The following ZFYVE26 variants were observed in gnomAD, a reference collection of about 807,000 sequenced individuals.
ZFYVE26 encodes zinc finger FYVE-type containing 26.
A neutral mutation model predicts 276.5 loss-of-function variants in ZFYVE26; 181 were observed. That is an observed-to-expected ratio of 0.65 (90% CI 0.58 to 0.74). ZFYVE26 has a LOEUF of 0.74. ZFYVE26 is among the 30% of genes least tolerant of loss of function. ZFYVE26 has a pLI of 0.00. For missense variants in ZFYVE26, 2,821 were observed against 3,097.9 expected (o/e 0.91, Z 2.12); for synonymous variants, 1,129 against 1,203.1 (o/e 0.94, Z 1.27).
At chr14:67,811,319 A>G (rs777715946) in intron 3 of ZFYVE26, among the ~76,000 whole-genome samples, 7 of 152,222 alleles carry the variant, frequency 4.6e-5, no homozygotes, top group African/African-American at 1.2e-4. Context: ...TAAAATAGGC[A>G]AGAATTTGCT....
chr14:67,749,569 A>G (rs985973215), intron 41 of ZFYVE26, among the ~76,000 whole-genome samples: 13 of 152,170 alleles, frequency 8.5e-5, no homozygotes, highest in African/African-American at 3.1e-4. Context: ...TTCTGCTGCA[A>G]TAATCCCTGT....
At chr14:67,775,756 C>T in intron 26 of ZFYVE26, 104 bp downstream of exon 26, 2 of 1,560,060 alleles carry the variant, frequency 1.3e-6, no homozygotes, top group Non-Finnish European at 1.8e-6. Flanking sequence ...TTCATTCACT[C>T]TAGATCAACC....
In ZFYVE26 at chr14:67,762,278, C is replaced by T; in HGVS notation, c.6294G>A (p.Gln2098=). ...GCACCAGCCTTGAGCCATGATTCAG[C>T]TGATTGAGGTCAAATGGGGGCTTCA... ...RCLKPPFDLN[Q]LNHGSRLVQD... Residue 2098 remains glutamine (Q), a synonymous_variant, in exon 34 of 42, where the codon CAG becomes CAA. Transcript: ENST00000347230. 6.2e-7 allele frequency: 1 copy of T among 1,614,156 alleles called. No homozygotes were observed. Among genetic ancestry groups the T allele is most frequent in the Non-Finnish European group, 8.5e-7 (1 of 1,180,030 alleles).
Position 67,786,159 on chromosome 14 carries a change from T to C in ZFYVE26, c.3094A>G (p.Lys1032Glu), listed in dbSNP as rs1312309878. ...GFPVVLQQIS[K>E]SLNYLLMSAS... ...GACATAAGCAGATAATTGAGACTCT[T>C]ACTGATTTGCTGAAGAACAACTGGA... Residue 1032 changes from lysine to glutamate, a missense_variant, in exon 17 of 42, where the codon AAG (lysine) becomes GAG (glutamate). By Grantham distance (56) the Lys-to-Glu change is moderately conservative. Coordinates refer to ENST00000347230, the MANE Select transcript of ZFYVE26 (RefSeq NM_015346.4). 1 of 1,613,550 alleles carries C rather than the reference T, an allele frequency of 6.2e-7. No individual in the cohort carries two copies. The highest frequency in any genetic ancestry group is 8.5e-7 in the Non-Finnish European group (1 of 1,179,996).
Position 67,806,651 on chromosome 14 carries a change from T to C in ZFYVE26, c.911A>G (p.Glu304Gly). 6.2e-7 allele frequency: 1 copy of C among 1,614,174 alleles called. No individual in the cohort carries two copies. Among genetic ancestry groups the C allele is most frequent in the South Asian group, 1.1e-5 (1 of 91,084 alleles). ...GKVSPDHLDP[E>G]RAMLALFSNP... is the part of the protein sequence containing the mutation. ...GGAGAACAGGGCTAGCATTGCCCGCTCAGGATCTAGATGATCCGGTGAGAC... is the reference window on the plus strand; with the variant it reads ...GGAGAACAGGGCTAGCATTGCCCGCCCAGGATCTAGATGATCCGGTGAGAC... The change falls in exon 6 of 42, where the codon GAG (glutamate) becomes GGG (glycine). Residue 304 changes from glutamate (E) to glycine (G), a missense_variant. Transcript: ENST00000347230.
intron 12 of ZFYVE26, among the ~76,000 whole-genome samples, chr14:67,794,477 C>T (rs755109268): frequency 6.6e-6 from 1 of 152,236 alleles, no homozygotes; most frequent in Non-Finnish European, 1.5e-5. Flanking sequence ...GGTTCCCAAC[C>T]TGTGGGTCTC....
rs1490348109 is a variant in ZFYVE26, at chr14:67,815,761, A to T, written c.194+9T>A. 1 of 1,612,554 alleles carries T rather than the reference A, an allele frequency of 6.2e-7. No individual in the cohort carries two copies. The highest frequency in any genetic ancestry group is 2.2e-5 in the East Asian group (1 of 44,874). On this transcript the variant is annotated intron_variant, in intron 2 of 41. Transcript: ENST00000347230. Reference sequence around the variant, plus strand: ...CTGGGACCGTCTGGTAGGAAAAGAGATCCCTTACCTCAGCAGATTTGGACA... The same window carrying T: ...CTGGGACCGTCTGGTAGGAAAAGAGTTCCCTTACCTCAGCAGATTTGGACA...
At chr14:67,753,911 T>G (rs893897673) in intron 38 of ZFYVE26, 145 bp from the exon 39 acceptor site, 5 of 1,491,356 alleles carry the variant, frequency 3.4e-6, no homozygotes, top group Non-Finnish European at 3.7e-6. Context: ...GATATAAGAA[T>G]GATCAAAATG....
chr14:67,789,449 G>C lies in ZFYVE26; in HGVS notation c.2905C>G (p.Pro969Ala). The C allele has an allele frequency of 1.9e-6, 3 of 1,614,192 alleles. No homozygotes were observed. Among genetic ancestry groups the C allele is most frequent in the African/African-American group, 1.3e-5 (1 of 75,060 alleles). ...AGGTCAAATGCAGCCATGGCAGGGG[G>C]ACTGAGGTCTTCCAGAACCTCTCTC... ...PLREVLEDLS[P>A]PAMAAFDLAC... Residue 969 changes from proline (P) to alanine (A), a missense_variant, in exon 16 of 42, where the codon CCC (proline) becomes GCC (alanine). Transcript: ENST00000347230.
chr14:67,812,162 C>T (rs1015258570), intron 3 of ZFYVE26, among the ~76,000 whole-genome samples: 3 of 152,026 alleles, frequency 2.0e-5, no homozygotes, highest in Admixed American at 6.6e-5. Context: ...TTGCCAAATA[C>T]TTTTGAATAG....
chr14:67,751,091 C>T lies in ZFYVE26; in HGVS notation c.7377G>A (p.Leu2459=), dbSNP rs1014312605. Residue 2459 remains leucine (L), a synonymous_variant, in exon 41 of 42, where the codon CTG becomes CTA. Coordinates refer to ENST00000347230, the MANE Select transcript of ZFYVE26 (RefSeq NM_015346.4). Reference sequence around the variant, plus strand: ...TGTGTATTGCCTGGATCAGGCCCTCCAGCTCCTGTGCAGAACAGAAACAGC... The same window carrying T: ...TGTGTATTGCCTGGATCAGGCCCTCTAGCTCCTGTGCAGAACAGAAACAGC... ...EAFKRIPPQE[L]EGLIQAIHND... is the part of the protein sequence containing the mutation. The T allele has an allele frequency of 1.9e-6, 3 of 1,614,094 alleles. No homozygotes were observed. Among genetic ancestry groups the T allele is most frequent in the African/African-American group, 2.7e-5 (2 of 74,940 alleles).
At chr14:67,792,913 C>CA (rs34041446) in intron 14 of ZFYVE26, among the ~76,000 whole-genome samples, 4,049 of 56,762 alleles carry the variant, frequency 0.071, 315 homozygotes, top group African/African-American at 0.19. Context: ...AAATCTGTCT[C>CA]AAAAAAAAAA....
At position 67,793,630 on chromosome 14, in the gene ZFYVE26, C is replaced by T; in HGVS notation, c.2531G>A (p.Gly844Glu). The change falls in exon 14 of 42, where the codon GGG becomes GAG. Residue 844 changes from glycine (G) to glutamate (E), a missense_variant. Coordinates refer to ENST00000347230, the MANE Select transcript of ZFYVE26 (RefSeq NM_015346.4). ...CACCTGATGGGCTTCTGCGAAGTTC[C>T]CGCGAAGGATGCAGGATGCCAGCAG... Reference protein sequence around the residue: ...ESLLASCILRGNFAEAHQVLF... With the variant: ...ESLLASCILRENFAEAHQVLF... 6.2e-7 allele frequency: 1 copy of T among 1,613,704 alleles called. No homozygotes were observed. Among genetic ancestry groups the T allele is most frequent in the Non-Finnish European group, 8.5e-7 (1 of 1,179,806 alleles).
At chr14:67,756,213 T>C (rs1422648221) in intron 35 of ZFYVE26, 68 bp from the exon 36 acceptor site, 19 of 1,527,818 alleles carry the variant, frequency 1.2e-5, no homozygotes, top group East Asian at 2.2e-5. Flanking sequence ...GGATCCACTC[T>C]GAATTTCCTT....
downstream of ZFYVE26, among the ~76,000 whole-genome samples, chr14:67,743,406 G>C (rs1167640705): frequency 6.6e-6 from 1 of 151,962 alleles, no homozygotes; most frequent in African/African-American, 2.4e-5. Flanking sequence ...TGGGAGGATG[G>C]CTTGAGCCCA....
At chr14:67,744,459 T>A (rs1327330467), downstream of ZFYVE26, among the ~76,000 whole-genome samples, 2 of 152,222 alleles carry the variant, frequency 1.3e-5, no homozygotes, top group East Asian at 3.8e-4. Flanking sequence ...TGCAGGTTTG[T>A]TACATAGGTA....
chr14:67,729,086 T>A, intron 14 of ZFYVE26: 10 of 1,181,832 alleles, frequency 8.5e-6, no homozygotes, highest in Non-Finnish European at 1.1e-5. Context: ...TGGGGTTATG[T>A]TTCCTGAGTC....
At chr14:67,789,200 T>C in intron 16 of ZFYVE26, 135 bp downstream of exon 16, 2 of 1,215,626 alleles carry the variant, frequency 1.6e-6, no homozygotes, top group African/African-American at 1.5e-5. Flanking sequence ...CATCAGATTG[T>C]ATGTGACAAA....
chr14:67,761,190 A>C (rs1438065139), intron 35 of ZFYVE26, 176 bp downstream of exon 35: 6 of 719,696 alleles, frequency 8.3e-6, no homozygotes, highest in Non-Finnish European at 1.5e-5. Flanking sequence ...GACTTTTCAC[A>C]CTCACTGAAT....
Sources: allele counts gnomAD v4.1 joint callset (sites outside exome capture counted in the v4.1 genomes callset), GRCh38; gene constraint gnomAD v4.1.1; transcripts MANE v1.5; gene names NCBI Gene and HGNC (gene_info 2026-07-23, HGNC 2026-07-21).